COA1: variants seen among roughly 807,000 people sequenced by gnomAD.
The protein encoded by COA1 is cytochrome c oxidase assembly factor 1 homolog.
In COA1, 13 loss-of-function variants were observed where a neutral mutation model predicts 16.0. The observed-to-expected ratio is 0.81, with a 90% CI of 0.53 to 1.29. COA1 has a LOEUF of 1.29. COA1 is among the 50% of genes most tolerant of loss of function. COA1 has a pLI of 0.00. For missense variants in COA1, 179 were observed against 177.0 expected (o/e 1.01, Z -0.06); for synonymous variants, 65 against 65.7 (o/e 0.99, Z 0.05).
chr7:43,668,606 T>C (rs2093040119), intron 1 of COA1, among the ~76,000 whole-genome samples: 1 of 152,224 alleles, frequency 6.6e-6, no homozygotes. Context: ...AGACTAACCC[T>C]GCTTATTCCT....
intron 1 of COA1, among the ~76,000 whole-genome samples, chr7:43,725,301 CAAT>C (rs2095593630): frequency 1.3e-5 from 2 of 151,458 alleles, no homozygotes; most frequent in South Asian, 2.1e-4. Flanking sequence ...GGTTACACAA[CAAT>C]GTTAAAGTAC....
chr7:43,714,910 A>C lies in COA1; in HGVS notation c.-39+14519T>G, dbSNP rs1345522392. Among the ~76,000 whole-genome samples, 4 of 146,536 alleles carry C rather than the reference A, an allele frequency of 2.7e-5. No individual in the cohort carries two copies. In the East Asian group the frequency reaches 8.9e-4, roughly 33 times the overall value. On this transcript the variant is annotated intron_variant, in intron 1 of 5. Transcript: ENST00000223336. ...ATAATCCCAGCTACTCAGGTGGCTG[A>C]GGCACAAGATCACTTGAGCCCGGGA...
intron 1 of COA1, among the ~76,000 whole-genome samples, chr7:43,719,012 C>T (rs2095451898): frequency 6.6e-6 from 1 of 151,310 alleles, no homozygotes. Context: ...CACTCTGTCA[C>T]CCAGGCTGGA....
rs767230772 is a variant in COA1, at chr7:43,645,260, A to G, written c.255T>C (p.Val85=). 1.2e-6 allele frequency: 2 copies of G among 1,613,980 alleles called. No individual in the cohort carries two copies. The highest frequency in any genetic ancestry group is 4.5e-5 in the East Asian group (2 of 44,862). The change falls in exon 4 of 6, where the codon GTT becomes GTC. Residue 85 remains valine, a synonymous_variant. Transcript: ENST00000223336. ...AGGGAAAGCACATTACCTTGGCATC[A>G]ACAATGTCCACGAAGTTTTCCCTGT... ...LIDRENFVDI[V]DAKLKIPVSG...
intron 1 of COA1, among the ~76,000 whole-genome samples, chr7:43,698,421 A>C (rs1305060695): frequency 6.6e-6 from 1 of 152,196 alleles, no homozygotes; most frequent in Non-Finnish European, 1.5e-5. Flanking sequence ...CATTGGTATA[A>C]ATGACAAACC....
At chr7:43,661,796 C>CA (rs1211246834) in intron 1 of COA1, among the ~76,000 whole-genome samples, 1 of 152,032 alleles carries the variant, frequency 6.6e-6, no homozygotes, top group African/African-American at 2.4e-5. Context: ...AAACCATTTT[C>CA]AAAAAAACAC....
At chr7:43,647,782 G>T in intron 2 of COA1, 148 bp from the exon 3 acceptor site, 1 of 638,758 alleles carries the variant, frequency 1.6e-6, no homozygotes, top group Non-Finnish European at 2.7e-6. Context: ...CTTTCCAAAT[G>T]CCAGGGTTGG....
chr7:43,637,224 C>G (rs1201183077), downstream of COA1, among the ~76,000 whole-genome samples: 1 of 152,170 alleles, frequency 6.6e-6, no homozygotes, highest in East Asian at 1.9e-4. Flanking sequence ...GCTTGAAATT[C>G]TTTTGGCACA....
chr7:43,657,043 T>C (rs1256962234), intron 1 of COA1, among the ~76,000 whole-genome samples: 1 of 151,844 alleles, frequency 6.6e-6, no homozygotes, highest in Admixed American at 6.6e-5. Flanking sequence ...AGAAATAAAA[T>C]AAAATATAAA....
chr7:43,610,897 G>A (rs1193901583), intron 6 of COA1, among the ~76,000 whole-genome samples: 1 of 151,790 alleles, frequency 6.6e-6, no homozygotes, highest in Non-Finnish European at 1.5e-5. Flanking sequence ...AGGGCAGATC[G>A]CTTGAGGTCA....
intron 4 of COA1, among the ~76,000 whole-genome samples, chr7:43,644,760 A>T (rs1262306108): frequency 1.0e-3 from 84 of 82,508 alleles, no homozygotes; most frequent in African/African-American, 3.0e-3. Flanking sequence ...ATAGATAGAT[A>T]GGCAGGCAGG....
intron 1 of COA1, among the ~76,000 whole-genome samples, chr7:43,683,369 A>G (rs2093858668): frequency 6.6e-6 from 1 of 152,134 alleles, no homozygotes. Context: ...ACAGTGGCTC[A>G]CGCCTGTAAT....
At chr7:43,691,362 AG>A (rs1563383684) in intron 1 of COA1, among the ~76,000 whole-genome samples, 12,250 of 65,746 alleles carry the variant, frequency 0.19, 1,820 homozygotes, top group South Asian at 0.25. Flanking sequence ...GGAGGGAGGG[AG>A]GGAGGGAGGG....
At chr7:43,691,572 A>T (rs1246045991) in intron 1 of COA1, among the ~76,000 whole-genome samples, 4 of 152,186 alleles carry the variant, frequency 2.6e-5, no homozygotes, top group African/African-American at 9.7e-5. Flanking sequence ...TCTAACATAT[A>T]GTCTGCTGAG....
chr7:43,705,097 C>T (rs755388534), intron 1 of COA1, among the ~76,000 whole-genome samples: 10 of 152,216 alleles, frequency 6.6e-5, no homozygotes, highest in African/African-American at 9.7e-5. Context: ...TCCTGGGCTA[C>T]ATGCTCTAAT....
chr7:43,689,528 C>A (rs1282385826), intron 1 of COA1, among the ~76,000 whole-genome samples: 2 of 151,984 alleles, frequency 1.3e-5, no homozygotes, highest in Non-Finnish European at 2.9e-5. Context: ...GCCACAAATA[C>A]CTTCAAAAAA....
intron 1 of COA1, among the ~76,000 whole-genome samples, chr7:43,700,529 G>GAT (rs142644587): frequency 0.012 from 1,735 of 142,530 alleles, 10 homozygotes; most frequent in East Asian, 0.023. Context: ...AATGTAGGCA[G>GAT]ATATATATAT....
At chr7:43,726,577 C>T (rs993666304) in intron 1 of COA1, among the ~76,000 whole-genome samples, 5 of 152,096 alleles carry the variant, frequency 3.3e-5, no homozygotes, top group Admixed American at 3.3e-4. Context: ...AAAGTTTTTC[C>T]TTGCTTCATT....
downstream of COA1, among the ~76,000 whole-genome samples, chr7:43,635,095 T>C (rs1180096256): frequency 1.3e-5 from 2 of 152,190 alleles, no homozygotes; most frequent in Non-Finnish European, 2.9e-5. Flanking sequence ...AACAATGTGG[T>C]CCTAGAAAGT....
Sources: gnomAD v4.1 joint callset for allele counts (sites outside exome capture counted in the v4.1 genomes callset) on GRCh38, gnomAD v4.1.1 for gene constraint, MANE v1.5 for transcripts, NCBI Gene and HGNC (gene_info 2026-07-23, HGNC 2026-07-21) for gene names.